Variants in ZFHX2 observed in about 807,000 individuals in gnomAD.
The protein encoded by ZFHX2 is zinc finger homeobox protein 2.
A neutral mutation model predicts 164.8 loss-of-function variants in ZFHX2; 75 were observed. The observed-to-expected ratio is 0.46, with a 90% confidence interval of 0.38 to 0.55. The LOEUF is 0.55. Among genes scored for constraint, ZFHX2 ranks in the 20% least tolerant of loss-of-function variants. ZFHX2 has a pLI of 0.00. For missense variants in ZFHX2, 2,933 were observed against 3,308.0 expected (o/e 0.89, Z 2.78); for synonymous variants, 1,217 against 1,351.4 (o/e 0.90, Z 2.18).
chr14:23,525,732 C>T lies in ZFHX2; in HGVS notation c.4210G>A (p.Glu1404Lys). The T allele has an allele frequency of 6.6e-7, 1 of 1,514,664 alleles. No individual in the cohort carries two copies. The highest frequency in any genetic ancestry group is 8.8e-7 in the Non-Finnish European group (1 of 1,135,360). 93.8% of individuals were successfully genotyped at this position (1,514,664 alleles called of 1,614,324 possible). A position where few individuals can be genotyped will look rare whatever the true frequency, so the allele number is the denominator to read the frequency against. The change falls in exon 9 of 10, where the codon GAG becomes AAG. Residue 1404 changes from glutamate to lysine, a missense_variant. Coordinates refer to ENST00000419474, the MANE Select transcript of ZFHX2 (RefSeq NM_033400.3). The surrounding 1 kb of genome is among the most constrained non-coding windows in gnomAD (Gnocchi z 5.9). ...PPPPPQPPKA[E>K]LAEREWERPP... Reference sequence around the variant, plus strand: ...CGCTCCCACTCCCGCTCAGCCAGCTCAGCCTTGGGAGGTTGGGGTGGAGGA... The same window carrying T: ...CGCTCCCACTCCCGCTCAGCCAGCTTAGCCTTGGGAGGTTGGGGTGGAGGA...
Position 23,526,026 on chromosome 14 carries a change from T to A in ZFHX2, c.3916A>T (p.Thr1306Ser). 6.5e-7 allele frequency: 1 copy of A among 1,535,872 alleles called. No individual in the cohort carries two copies. Among genetic ancestry groups the A allele is most frequent in the Non-Finnish European group, 8.7e-7 (1 of 1,146,622 alleles). The change falls in exon 9 of 10, where the codon ACT (threonine) becomes TCT (serine). Residue 1306 changes from threonine (T) to serine (S), a missense_variant. Coordinates refer to ENST00000419474, the MANE Select transcript of ZFHX2 (RefSeq NM_033400.3). ...KEGETEGEVG[T>S]EKKGPDTSGF... ...CTGGTGTCAGGGCCCTTCTTCTCAG[T>A]GCCCACCTCCCCCTCTGTCTCGCCT...
chr14:23,526,746 T>C, intron 8 of ZFHX2, 67 bp from the exon 9 acceptor site: 3 of 1,533,372 alleles, frequency 2.0e-6, no homozygotes, highest in Non-Finnish European at 2.6e-6. Context: ...ACCCACTCAA[T>C]ACCAAGGCAG....
At chr14:23,552,961 C>T (rs1176755073), upstream of ZFHX2, among the ~76,000 whole-genome samples, 2 of 152,190 alleles carry the variant, frequency 1.3e-5, no homozygotes, top group Non-Finnish European at 1.5e-5. Context: ...CAGTTCCAAG[C>T]ACTTTTACAT....
Position 23,534,158 on chromosome 14 carries a change from T to C in ZFHX2, c.1168A>G (p.Asn390Asp). ...TCCTTGGAGGTGGGTGAGCTTTGGT[T>C]GAGTGGGGGGCAGAGCCCTCCATCC... ...EEDGGLCPPLNQSSPTSKEGG... is the reference protein window; with the variant it reads ...EEDGGLCPPLDQSSPTSKEGG... The change falls in exon 2 of 10, where the codon AAC becomes GAC. Residue 390 changes from asparagine (N) to aspartate (D), a missense_variant. Coordinates refer to ENST00000419474, the MANE Select transcript of ZFHX2 (RefSeq NM_033400.3). This position sits in a 1 kb window ranked among gnomAD's most constrained non-coding sequence, Gnocchi z 4.5. The C allele has an allele frequency of 6.8e-7, 1 of 1,472,688 alleles. No individual in the cohort carries two copies. The highest frequency in any genetic ancestry group is 9.0e-7 in the Non-Finnish European group (1 of 1,115,806). 91.2% of individuals were successfully genotyped at this position (1,472,688 alleles called of 1,614,324 possible). A position where few individuals can be genotyped will look rare whatever the true frequency, so the allele number is the denominator to read the frequency against.
chr14:23,545,510 C>T lies in ZFHX2; in HGVS notation c.-50+5833G>A, dbSNP rs569232343. Among the ~76,000 whole-genome samples, 10 of 152,344 alleles carry T rather than the reference C, an allele frequency of 6.6e-5. No individual in the cohort carries two copies. The East Asian group carries it at 1.7e-3, about 26-fold the overall frequency. On this transcript the variant is annotated intron_variant, in intron 1 of 9. Coordinates refer to ENST00000419474, the MANE Select transcript of ZFHX2 (RefSeq NM_033400.3). ...AGTCATGGGTTTTTCACCTTTGACT[C>T]CTATCTCTGTCATACTCTCTCCCAA...
In ZFHX2 at chr14:23,526,867, G is replaced by A. The variant is rs566246733; in HGVS notation, c.3242C>T (p.Pro1081Leu). The A allele has an allele frequency of 1.1e-4, 172 of 1,532,608 alleles. 1 individual carries two copies. The African/African-American group carries it at 1.7e-3, about 15-fold the overall frequency. 94.9% of individuals were successfully genotyped at this position (1,532,608 alleles called of 1,614,324 possible). ...EPPTHGPEPT[P>L]SRDQAAEGPN... ...CTTACCTGCTGCCTGGTCTCTGCTCGGTGTAGGCTCTGGCCCATGAGTGGG... is the reference window on the plus strand; with the variant it reads ...CTTACCTGCTGCCTGGTCTCTGCTCAGTGTAGGCTCTGGCCCATGAGTGGG... Residue 1081 changes from proline to leucine, a missense_variant, in exon 8 of 10, where the codon CCG becomes CTG. Transcript: ENST00000419474.
Position 23,521,978 on chromosome 14 carries a change from G to T in ZFHX2, c.7703C>A (p.Thr2568Lys), listed in dbSNP as rs1291942385. Reference protein sequence around the residue: ...DSNPKTTTTSTLLAL With the variant: ...DSNPKTTTTSKLLAL ...TTAATCTGTTTATAAAGCTAGAAGT[G>T]TAGAGGTAGTCGTAGTTTTTGGGTT... Residue 2568 changes from threonine (T) to lysine (K), a missense_variant, in exon 10 of 10, where the codon ACA (threonine) becomes AAA (lysine). Thr to Lys is a moderately conservative substitution (Grantham distance 78, BLOSUM62 -1). Coordinates refer to ENST00000419474, the MANE Select transcript of ZFHX2 (RefSeq NM_033400.3). The T allele has an allele frequency of 6.5e-7, 1 of 1,536,376 alleles. No individual in the cohort carries two copies. Among genetic ancestry groups the T allele is most frequent in the Non-Finnish European group, 8.7e-7 (1 of 1,146,912 alleles).
rs537058360 is a variant in ZFHX2 at position 23,534,164 on chromosome 14, G to C, written c.1162C>G (p.Pro388Ala). Residue 388 changes from proline to alanine, a missense_variant, in exon 2 of 10, where the codon CCA becomes GCA. Physicochemically the swap from Pro to Ala is conservative, Grantham distance 27. Transcript: ENST00000419474. This position sits in a 1 kb window ranked among gnomAD's most constrained non-coding sequence, Gnocchi z 4.5. ...GAGGTGGGTGAGCTTTGGTTGAGTG[G>C]GGGGCAGAGCCCTCCATCCTCTTCT... The part of the protein sequence containing the change: ...GQEEDGGLCP[P>A]LNQSSPTSKE... 3.4e-6 allele frequency: 5 copies of C among 1,473,098 alleles called. No homozygotes were observed. In the South Asian group the frequency reaches 5.5e-5, roughly 16 times the overall value. The allele number at this position is 1,473,098 out of a possible 1,614,324, so 91.3% of individuals were successfully genotyped here.
rs370370424 is a variant in ZFHX2, at chr14:23,540,911, C to T, written c.-49-5537G>A. Among the ~76,000 whole-genome samples the T allele has an allele frequency of 3.2e-4, 48 of 151,908 alleles. No homozygotes were observed. The East Asian group carries it at 8.7e-3, about 28-fold the overall frequency. ...CTGTTCACCCCTTTTTCTTTTTTCT[C>T]TCTTTTTTTTTTGAGACAGAGTCTC... On this transcript the variant is annotated intron_variant, in intron 1 of 9. Transcript: ENST00000419474.
At position 23,524,893 on chromosome 14, in the gene ZFHX2, A is replaced by G. The variant is rs770627505; in HGVS notation, c.5049T>C (p.Phe1683=). 1.3e-6 allele frequency: 2 copies of G among 1,536,402 alleles called. No individual in the cohort carries two copies. Among genetic ancestry groups the G allele is most frequent in the Non-Finnish European group, 1.7e-6 (2 of 1,146,966 alleles). The change falls in exon 9 of 10, where the codon TTT becomes TTC. Residue 1683 remains phenylalanine, a synonymous_variant. Coordinates refer to ENST00000419474, the MANE Select transcript of ZFHX2 (RefSeq NM_033400.3). The surrounding 1 kb of genome is among the most constrained non-coding windows in gnomAD (Gnocchi z 5.6). ...RRCHATFSCV[F]ELVRHLKKCY... ...ACTTCTTGAGGTGGCGCACCAACTC[A>G]AAAACACAGGAGAAAGTGGCGTGGC...
chr14:23,539,714 AC>A (rs548704154), intron 1 of ZFHX2, among the ~76,000 whole-genome samples: 1 of 152,098 alleles, frequency 6.6e-6, no homozygotes, highest in East Asian at 1.9e-4. Context: ...CCCCAGCAAG[AC>A]CAGGGCTCCC....
upstream of ZFHX2, among the ~76,000 whole-genome samples, chr14:23,551,872 C>A (rs914119798): frequency 2.0e-5 from 3 of 152,220 alleles, no homozygotes; most frequent in Non-Finnish European, 4.4e-5. The surrounding 1 kb of genome is among the most constrained non-coding windows in gnomAD (Gnocchi z 5.3). Flanking sequence ...CCGCCTGCCT[C>A]GCGGGACCCA....
chr14:23,526,100 G>C lies in ZFHX2; in HGVS notation c.3842C>G (p.Thr1281Ser). The change falls in exon 9 of 10, where the codon ACT becomes AGT. Residue 1281 changes from threonine (T) to serine (S), a missense_variant. Transcript: ENST00000419474. ...LHQTRSRGTK[T>S]DSKIEGPERS... Reference sequence around the variant, plus strand: ...TTCTGGCCCTTCAATCTTGGAATCAGTCTTGGTTCCCCGAGAGCGAGTCTG... The same window carrying C: ...TTCTGGCCCTTCAATCTTGGAATCACTCTTGGTTCCCCGAGAGCGAGTCTG... 7.8e-6 allele frequency: 12 copies of C among 1,536,538 alleles called. No homozygotes were observed. The highest frequency in any genetic ancestry group is 1.0e-5 in the Non-Finnish European group (12 of 1,146,936).
chr14:23,548,131 T>C (rs1881580038), intron 1 of ZFHX2, among the ~76,000 whole-genome samples: 2 of 152,070 alleles, frequency 1.3e-5, no homozygotes, highest in Admixed American at 1.3e-4. Flanking sequence ...TCAACAACTC[T>C]CCTCCCCACT....
At position 23,521,661 on chromosome 14, in the gene ZFHX2, C is replaced by T; in HGVS notation, c.*301G>A. The T allele has an allele frequency of 2.7e-6, 1 of 364,678 alleles. No homozygotes were observed. Among genetic ancestry groups the T allele is most frequent in the Non-Finnish European group, 5.0e-6 (1 of 201,484 alleles). The allele number at this position is 364,678 out of a possible 1,614,324, so 22.6% of individuals were successfully genotyped here. ...AAGGATATATTTTGTGTGTGGTAGGCAGACATGTATGAATAATCAGGGTGC... is the reference window on the plus strand; with the variant it reads ...AAGGATATATTTTGTGTGTGGTAGGTAGACATGTATGAATAATCAGGGTGC... On this transcript the variant is annotated 3_prime_UTR_variant, in exon 10 of 10. Transcript: ENST00000419474.
chr14:23,538,749 C>G (rs1276672594), intron 1 of ZFHX2, among the ~76,000 whole-genome samples: 1 of 152,022 alleles, frequency 6.6e-6, no homozygotes, highest in Non-Finnish European at 1.5e-5. Flanking sequence ...GAGGGTGGAT[C>G]TGGTGTAGGG....
At position 23,535,880 on chromosome 14, in the gene ZFHX2, C is replaced by T. The variant is rs1448656162; in HGVS notation, c.-49-506G>A. Among the ~76,000 whole-genome samples, 1 of 152,238 alleles carries T rather than the reference C, an allele frequency of 6.6e-6. No homozygotes were observed. The highest frequency in any genetic ancestry group is 2.4e-5 in the African/African-American group (1 of 41,458). ...GTGCTAGGATTATAGGCGTGAGCCA[C>T]CGCGCCCAGCCTAGAACTCTTTATT... On this transcript the variant is annotated intron_variant, in intron 1 of 9. Transcript: ENST00000419474. The surrounding 1 kb of genome is among the most constrained non-coding windows in gnomAD (Gnocchi z 4.5).
At position 23,525,329 on chromosome 14, in the gene ZFHX2, T is replaced by G. The variant is rs1878564074; in HGVS notation, c.4613A>C (p.Asp1538Ala). ...PPLAEPPKPP[D>A]GSLDSPVPHL... ...GGGAACAGGTGAATCCAGAGACCCA[T>G]CAGGAGGTTTGGGAGGCTCTGCAAG... Residue 1538 changes from aspartate (D) to alanine (A), a missense_variant, in exon 9 of 10, where the codon GAT (aspartate) becomes GCT (alanine). By Grantham distance (126) the Asp-to-Ala change is moderately radical. Coordinates refer to ENST00000419474, the MANE Select transcript of ZFHX2 (RefSeq NM_033400.3). The surrounding 1 kb of genome is among the most constrained non-coding windows in gnomAD (Gnocchi z 5.9). 6.5e-7 allele frequency: 1 copy of G among 1,536,020 alleles called. No individual in the cohort carries two copies. Among genetic ancestry groups the G allele is most frequent in the Admixed American group, 2.0e-5 (1 of 51,002 alleles).
In ZFHX2 at chr14:23,551,747, G is replaced by A. The variant is rs1881976918; in HGVS notation, c.-454C>T. On this transcript the variant is annotated 5_prime_UTR_variant, in exon 1 of 10. Coordinates refer to ENST00000419474, the MANE Select transcript of ZFHX2 (RefSeq NM_033400.3). The surrounding 1 kb of genome is among the most constrained non-coding windows in gnomAD (Gnocchi z 5.3). The stretch of plus-strand genomic sequence containing the variant: ...GCCTCATTCACTGGCTGGAGTCTAG[G>A]CGTCCCACACAATGGAATAATCAAT... 1 of 153,142 alleles carries A rather than the reference G, an allele frequency of 6.5e-6. No homozygotes were observed. Among genetic ancestry groups the A allele is most frequent in the Non-Finnish European group, 1.5e-5 (1 of 68,392 alleles). 9.5% of individuals were successfully genotyped at this position (153,142 alleles called of 1,614,324 possible).
Sources: allele counts gnomAD v4.1 joint callset (sites outside exome capture counted in the v4.1 genomes callset), GRCh38; gene constraint gnomAD v4.1.1; non-coding constraint Gnocchi (gnomAD v3.1); transcripts MANE v1.5; gene names NCBI Gene and HGNC (gene_info 2026-07-23, HGNC 2026-07-21).